MLIP: variants seen among roughly 807,000 people sequenced by gnomAD.
MLIP encodes muscular LMNA-interacting protein.
Under a neutral mutation model 84.8 loss-of-function variants are expected in MLIP, and 79 were observed. The observed-to-expected ratio is 0.93, with a 90% CI of 0.78 to 1.12. MLIP has a LOEUF of 1.12. Ranked by LOEUF, MLIP falls within the 50% of genes most tolerant of loss-of-function variation. The pLI is 0.00. For missense variants in MLIP, 1,257 were observed against 1,160.6 expected (o/e 1.08, Z -1.21); for synonymous variants, 504 against 463.0 (o/e 1.09, Z -1.14).
chr6:54,255,740 G>T (rs1264875090), intron 12 of MLIP, among the ~76,000 whole-genome samples: 1 of 152,140 alleles, frequency 6.6e-6, no homozygotes, highest in Non-Finnish European at 1.5e-5. Context: ...TGACTCGATT[G>T]CTTTTCTAAT....
intron 3 of MLIP, among the ~76,000 whole-genome samples, chr6:54,127,556 T>G (rs2150454430): frequency 6.6e-6 from 1 of 152,276 alleles, no homozygotes; most frequent in African/African-American, 2.4e-5. Flanking sequence ...ATTTTATAAT[T>G]ATCATAGGCA....
intron 2 of MLIP, among the ~76,000 whole-genome samples, chr6:54,123,675 C>T (rs1407442286): frequency 6.6e-6 from 1 of 152,076 alleles, no homozygotes; most frequent in Non-Finnish European, 1.5e-5. Flanking sequence ...TTTAGCCTTA[C>T]AGAAAAGCTG....
intron 1 of MLIP, among the ~76,000 whole-genome samples, chr6:54,069,021 G>A (rs1766345022): frequency 9.9e-6 from 1 of 101,336 alleles, no homozygotes; most frequent in Admixed American, 9.1e-5. Context: ...CAGTTTTACA[G>A]ATGTGCTCTA....
At position 54,124,634 on chromosome 6, in the gene MLIP, T is replaced by C. The variant is rs765840042; in HGVS notation, c.414T>C (p.Ala138=). 5.0e-6 allele frequency: 8 copies of C among 1,614,044 alleles called. No individual in the cohort carries two copies. In the East Asian group the frequency reaches 1.8e-4, roughly 36 times the overall value. Residue 138 remains alanine, a synonymous_variant, in exon 3 of 14, where the codon GCT becomes GCC. Transcript: ENST00000502396. Reference sequence around the variant, plus strand: ...TGCAGCAAAGTGACCTCTTCAAAGCTGAATATGTCCTTATTGTGGACTCCG... The same window carrying C: ...TGCAGCAAAGTGACCTCTTCAAAGCCGAATATGTCCTTATTGTGGACTCCG... ...QGMQQSDLFK[A]EYVLIVDSEG...
chr6:54,221,932 T>G (rs1054637671), intron 11 of MLIP, among the ~76,000 whole-genome samples: 1 of 152,022 alleles, frequency 6.6e-6, no homozygotes, highest in African/African-American at 2.4e-5. Flanking sequence ...ATTTATAAAT[T>G]AATAACAAAG....
intron 13 of MLIP, among the ~76,000 whole-genome samples, chr6:54,259,408 A>G (rs897282461): frequency 2.0e-5 from 3 of 151,948 alleles, no homozygotes; most frequent in Non-Finnish European, 2.9e-5. Flanking sequence ...CACATTGACT[A>G]TATCTACACA....
intron 1 of MLIP, among the ~76,000 whole-genome samples, chr6:54,037,170 T>C (rs1173359383): frequency 6.6e-6 from 1 of 152,014 alleles, no homozygotes; most frequent in Non-Finnish European, 1.5e-5. Context: ...CTTTGGTGGA[T>C]ACTTCTATGT....
intron 1 of MLIP, among the ~76,000 whole-genome samples, chr6:54,057,008 T>C (rs1765700382): frequency 6.6e-6 from 1 of 152,226 alleles, no homozygotes; most frequent in Non-Finnish European, 1.5e-5. Context: ...AGGGTTAACA[T>C]TTATTGAATG....
At chr6:54,199,212 T>G (rs919565038) in intron 10 of MLIP, among the ~76,000 whole-genome samples, 2 of 152,112 alleles carry the variant, frequency 1.3e-5, no homozygotes, top group Admixed American at 1.3e-4. Context: ...GATTTCAAAC[T>G]TCTATCTATT....
intron 12 of MLIP, among the ~76,000 whole-genome samples, chr6:54,251,767 A>C (rs1782541341): frequency 1.0e-5 from 1 of 99,088 alleles, no homozygotes; most frequent in South Asian, 2.9e-4. Context: ...ATATAATATA[A>C]ATATATATTA....
intron 12 of MLIP, among the ~76,000 whole-genome samples, chr6:54,233,572 C>G (rs1054294172): frequency 3.3e-5 from 5 of 152,286 alleles, no homozygotes; most frequent in Middle Eastern, 6.8e-3. Flanking sequence ...TTTATCCAGT[C>G]TATCATTGAT....
At chr6:54,093,133 TC>T (rs1036177894) in intron 1 of MLIP, among the ~76,000 whole-genome samples, 13 of 152,204 alleles carry the variant, frequency 8.5e-5, no homozygotes, top group African/African-American at 3.1e-4. Flanking sequence ...TGCCTCAGCG[TC>T]CCAAAGTGCT....
chr6:54,179,316 A>G (rs1036952728), intron 9 of MLIP, among the ~76,000 whole-genome samples: 1 of 152,062 alleles, frequency 6.6e-6, no homozygotes, highest in Non-Finnish European at 1.5e-5. Flanking sequence ...TGTTTCCTGT[A>G]GGCAACAGGT....
At chr6:54,125,636 G>A (rs1299309728) in intron 3 of MLIP, among the ~76,000 whole-genome samples, 3 of 152,162 alleles carry the variant, frequency 2.0e-5, no homozygotes, top group Non-Finnish European at 4.4e-5. Context: ...GGTGACTGAC[G>A]AAGTGTAGTT....
At chr6:54,180,915 T>A (rs1443998718) in intron 9 of MLIP, among the ~76,000 whole-genome samples, 1 of 152,202 alleles carries the variant, frequency 6.6e-6, no homozygotes, top group Non-Finnish European at 1.5e-5. Context: ...TTTGTCAGTG[T>A]CTCAACATTG....
intron 1 of MLIP, among the ~76,000 whole-genome samples, chr6:54,072,586 T>G (rs528254738): frequency 2.6e-5 from 4 of 152,338 alleles, no homozygotes; most frequent in South Asian, 2.1e-4. Context: ...TGCCATATTC[T>G]GAGTGAAATG....
rs1766364749 is a variant in MLIP at position 54,069,549 on chromosome 6, T to C, written c.63+50458T>C. Among the ~76,000 whole-genome samples, 2 of 100,112 alleles carry C rather than the reference T, an allele frequency of 2.0e-5. 1 individual carries two copies. The highest frequency in any genetic ancestry group is 1.9e-4 in the Admixed American group (2 of 10,760). 65.7% of individuals were successfully genotyped at this position (100,112 alleles called of 152,430 possible). ...TGGTGTAGTATTTGCATATAACCTA[T>C]GCACATCCTCCCAGGTACATTAAAT... On this transcript the variant is annotated intron_variant, in intron 1 of 12. Coordinates refer to the MLIP transcript ENST00000274897.
chr6:54,035,982 G>C (rs1460290326), intron 1 of MLIP, among the ~76,000 whole-genome samples: 8 of 151,876 alleles, frequency 5.3e-5, no homozygotes, highest in Admixed American at 5.3e-4. Context: ...CAGAGGTCCA[G>C]TTTACCATTT....
intron 1 of MLIP, chr6:54,032,256 TATC>T (rs1764183170): frequency 6.6e-6 from 1 of 152,232 alleles, no homozygotes; most frequent in Non-Finnish European, 1.5e-5. Flanking sequence ...TATTTTCAGA[TATC>T]ATGAAATTCT....
Sources: gnomAD v4.1 joint callset for allele counts (sites outside exome capture counted in the v4.1 genomes callset) on GRCh38, gnomAD v4.1.1 for gene constraint, MANE v1.5 for transcripts, NCBI Gene and HGNC (gene_info 2026-07-23, HGNC 2026-07-21) for gene names.